The following SMARCB1 variants were observed in gnomAD, a reference collection of about 807,000 sequenced individuals.
The protein encoded by SMARCB1 is SWI/SNF related BAF chromatin remodeling complex subunit B1.
In SMARCB1, 5 loss-of-function variants were observed where a neutral mutation model predicts 49.0. The observed-to-expected ratio is 0.10, with a 90% confidence interval of 0.05 to 0.21. The LOEUF is 0.21. Ranked by LOEUF, SMARCB1 falls within the 10% of genes least tolerant of loss-of-function variation. The probability of loss-of-function intolerance (pLI) is 1.00; values close to 1 mark genes in which losing one functional copy is unlikely to be tolerated. For missense variants in SMARCB1, 226 were observed against 509.2 expected (o/e 0.44, Z 5.35); for synonymous variants, 201 against 200.1 (o/e 1.00, Z -0.04).
chr22:23,834,992 G>A lies in SMARCB1; in HGVS notation c.*812G>A, dbSNP rs544997053. 2.7e-6 allele frequency: 4 copies of A among 1,499,106 alleles called. No homozygotes were observed. The highest frequency in any genetic ancestry group is 2.4e-5 in the East Asian group (1 of 41,526). 92.9% of individuals were successfully genotyped at this position (1,499,106 alleles called of 1,614,324 possible). Reference sequence around the variant, plus strand: ...GGCTGTCGCCAGCCTGGGTGCAGGAGGGCTGTTCTAGCTCCAGTGGCACCC... The same window carrying A: ...GGCTGTCGCCAGCCTGGGTGCAGGAAGGCTGTTCTAGCTCCAGTGGCACCC... On this transcript the variant is annotated 3_prime_UTR_variant, in exon 9 of 9. Transcript: ENST00000644036.
intron 6 of SMARCB1, chr22:23,817,183 G>A: frequency 1.7e-6 from 1 of 584,920 alleles, no homozygotes; most frequent in Non-Finnish European, 3.1e-6. Flanking sequence ...CAGGCTCTGA[G>A]CAAAGCCCGG....
At chr22:23,803,722 C>G (rs974694415) in intron 5 of SMARCB1, 12 of 468,796 alleles carry the variant, frequency 2.6e-5, no homozygotes, top group Admixed American at 6.6e-5. Context: ...CCAGTCAGAC[C>G]TAGTTCAGCC....
chr22:23,810,884 G>T (rs1929828669), intron 5 of SMARCB1, among the ~76,000 whole-genome samples: 1 of 152,046 alleles, frequency 6.6e-6, no homozygotes, highest in Non-Finnish European at 1.5e-5. Flanking sequence ...ACAAAAATTA[G>T]CTGGGTGTGG....
intron 7 of SMARCB1, 44 bp from the exon 8 acceptor site, chr22:23,833,528 A>G (rs1019414243): frequency 2.5e-6 from 4 of 1,613,760 alleles, no homozygotes; most frequent in East Asian, 4.5e-5. Flanking sequence ...TTCTCCATCT[A>G]TAGCTGGAAA....
chr22:23,820,381 C>G (rs1420732610), intron 6 of SMARCB1, among the ~76,000 whole-genome samples: 1 of 152,146 alleles, frequency 6.6e-6, no homozygotes, highest in Non-Finnish European at 1.5e-5. Flanking sequence ...TAGAGACTAC[C>G]TGACCAACAT....
chr22:23,793,261 G>C, intron 2 of SMARCB1: 1 of 463,246 alleles, frequency 2.2e-6, no homozygotes, highest in Non-Finnish European at 4.0e-6. Context: ...CCCGCTGGTC[G>C]TGCTGTATTG....
At position 23,835,373 on chromosome 22, in the gene SMARCB1, T is replaced by G; in HGVS notation, c.*1193T>G. Reference sequence around the variant, plus strand: ...ACAGACTGCTGCCACCCTCAGCTGTTGGCAGGTCCCATGCTGCCAGGGCAG... The same window carrying G: ...ACAGACTGCTGCCACCCTCAGCTGTGGGCAGGTCCCATGCTGCCAGGGCAG... On this transcript the variant is annotated 3_prime_UTR_variant, in exon 9 of 9. Transcript: ENST00000644036. 1 of 990,204 alleles carries G rather than the reference T, an allele frequency of 1.0e-6. No homozygotes were observed. The highest frequency in any genetic ancestry group is 4.7e-5 in the South Asian group (1 of 21,338). The allele number at this position is 990,204 out of a possible 1,614,324, so 61.3% of individuals were successfully genotyped here. A position where few individuals can be genotyped will look rare whatever the true frequency, so the allele number is the denominator to read the frequency against.
intron 3 of SMARCB1, among the ~76,000 whole-genome samples, chr22:23,797,819 A>G (rs1222505117): frequency 6.9e-6 from 1 of 145,388 alleles, no homozygotes; most frequent in East Asian, 2.1e-4. Flanking sequence ...GGGTTTCACC[A>G]TGTTGGCCAG....
intron 3 of SMARCB1, among the ~76,000 whole-genome samples, chr22:23,798,693 C>G (rs1928926331): frequency 6.6e-6 from 1 of 152,266 alleles, no homozygotes; most frequent in Non-Finnish European, 1.5e-5. Flanking sequence ...TGCCCTCCCC[C>G]ACCCTCTGGA....
chr22:23,795,855 A>G (rs1353005297), intron 3 of SMARCB1, among the ~76,000 whole-genome samples: 1 of 139,012 alleles, frequency 7.2e-6, no homozygotes, highest in African/African-American at 2.7e-5. Flanking sequence ...CGGTGGCATG[A>G]TGTCGGCTCA....
chr22:23,817,968 G>A (rs187636179), intron 6 of SMARCB1: 4 of 152,250 alleles, frequency 2.6e-5, no homozygotes, highest in African/African-American at 7.2e-5. Flanking sequence ...TAGGATTACA[G>A]TTGCCCGCCA....
rs1488632729 is a variant in SMARCB1 at position 23,786,994 on chromosome 22, G to GGTC, written c.-169_-167dup. ...AGCGCCTGCGCACTGAGGGCGGCCT[G>GGTC]GTCGTCGTCTGCGGCGGCGGCGGCG... On this transcript the variant is annotated 5_prime_UTR_variant, in exon 1 of 9. Coordinates refer to ENST00000644036, the MANE Select transcript of SMARCB1 (RefSeq NM_003073.5). The GGTC allele has an allele frequency of 2.0e-6, 1 of 502,374 alleles. No homozygotes were observed. Among genetic ancestry groups the GGTC allele is most frequent in the South Asian group, 2.6e-5 (1 of 37,764 alleles). The allele number at this position is 502,374 out of a possible 1,614,324, so 31.1% of individuals were successfully genotyped here.
At chr22:23,832,505 T>C (rs1601442700) in intron 7 of SMARCB1, among the ~76,000 whole-genome samples, 1 of 151,646 alleles carries the variant, frequency 6.6e-6, no homozygotes, top group East Asian at 1.9e-4. Flanking sequence ...GAGAGCCAAG[T>C]GGAGGTGCCC....
chr22:23,810,527 CAAA>C (rs201408640), intron 5 of SMARCB1, among the ~76,000 whole-genome samples: 1 of 79,572 alleles, frequency 1.3e-5, no homozygotes, highest in Non-Finnish European at 2.2e-5. Flanking sequence ...GACTCTGTCT[CAAA>C]AAAAAAAAAA....
chr22:23,817,361 A>G (rs1601423405), intron 6 of SMARCB1: 1 of 288,366 alleles, frequency 3.5e-6, no homozygotes, highest in East Asian at 7.9e-5. Flanking sequence ...CAGTTGAGAA[A>G]TGGTGAGGCT....
Position 23,816,843 on chromosome 22 carries a change from G to A in SMARCB1, c.702G>A (p.Val234=). 1 of 1,613,998 alleles carries A rather than the reference G, an allele frequency of 6.2e-7. No individual in the cohort carries two copies. Among genetic ancestry groups the A allele is most frequent in the Non-Finnish European group, 8.5e-7 (1 of 1,179,914 alleles). ...TGGATTTGAACCCGCTGACGTTTGT[G>A]CCAGCCATCGCCTCTGCCATCAGAC... ...DDLDLNPLTF[V]PAIASAIRQQ... The change falls in exon 6 of 9, where the codon GTG becomes GTA. Residue 234 remains valine (V), a synonymous_variant. Transcript: ENST00000644036.
At chr22:23,790,886 A>G (rs1928336638) in intron 1 of SMARCB1, among the ~76,000 whole-genome samples, 1 of 152,220 alleles carries the variant, frequency 6.6e-6, no homozygotes, top group Non-Finnish European at 1.5e-5. Context: ...TTAAAAATGC[A>G]AAATATATAC....
At chr22:23,801,548 C>A (rs914584407) in intron 4 of SMARCB1, 1 of 372,004 alleles carries the variant, frequency 2.7e-6, no homozygotes, top group Non-Finnish European at 5.2e-6. Context: ...TTCACTAGAC[C>A]AGACTCATGT....
rs1041917315 is a variant in SMARCB1 at position 23,836,131 on chromosome 22, A to G, written c.*1951A>G. ...CACGTCCTCAGCTAAAAAGGGCAGGAACAGAACCTTCCAGAAGTCCCTGCC... is the reference window on the plus strand; with the variant it reads ...CACGTCCTCAGCTAAAAAGGGCAGGGACAGAACCTTCCAGAAGTCCCTGCC... On this transcript the variant is annotated 3_prime_UTR_variant, in exon 9 of 9. Transcript: ENST00000644036. The G allele has an allele frequency of 1.2e-5, 12 of 985,312 alleles. No individual in the cohort carries two copies. The African/African-American group carries it at 1.9e-4, about 16-fold the overall frequency. The allele number at this position is 985,312 out of a possible 1,614,324, so 61.0% of individuals were successfully genotyped here.
Sources: allele counts gnomAD v4.1 joint callset (sites outside exome capture counted in the v4.1 genomes callset), GRCh38; gene constraint gnomAD v4.1.1; transcripts MANE v1.5; gene names NCBI Gene and HGNC (gene_info 2026-07-23, HGNC 2026-07-21).